The following ANKS6 variants were observed in gnomAD, a reference collection of about 807,000 sequenced individuals.
ANKS6 encodes the protein ankyrin repeat and SAM domain-containing protein 6.
A neutral mutation model predicts 77.9 loss-of-function variants in ANKS6; 47 were observed. That is an observed-to-expected ratio of 0.60 (90% CI 0.48 to 0.77). The LOEUF is 0.77. Ranked by LOEUF, ANKS6 falls within the 30% of genes least tolerant of loss-of-function variation. The pLI is 0.00. For missense variants in ANKS6, 1,150 were observed against 1,159.1 expected (o/e 0.99, Z 0.11); for synonymous variants, 488 against 501.7 (o/e 0.97, Z 0.37).
At chr9:98,793,137 C>T (rs901882483) in intron 1 of ANKS6, among the ~76,000 whole-genome samples, 4 of 152,220 alleles carry the variant, frequency 2.6e-5, no homozygotes, top group East Asian at 1.9e-4. Context: ...AGCTCTGCCC[C>T]ACTGGCAGGC....
chr9:98,784,653 G>T (rs1232319096), intron 3 of ANKS6, among the ~76,000 whole-genome samples, 179 bp downstream of exon 3: 1 of 152,182 alleles, frequency 6.6e-6, no homozygotes, highest in Admixed American at 6.5e-5. Context: ...TGGAGTCTAT[G>T]TGTAGAGCTC....
chr9:98,736,968 T>C (rs1831535619), intron 14 of ANKS6, among the ~76,000 whole-genome samples: 1 of 152,176 alleles, frequency 6.6e-6, no homozygotes, highest in African/African-American at 2.4e-5. Context: ...TGTGCATCTT[T>C]CCAGTCCTTA....
In ANKS6 at chr9:98,734,781, G is replaced by T; in HGVS notation, c.*1738C>A. The T allele has an allele frequency of 1.0e-6, 1 of 984,736 alleles. No homozygotes were observed. Among genetic ancestry groups the T allele is most frequent in the Non-Finnish European group, 1.2e-6 (1 of 829,316 alleles). 61.0% of individuals were successfully genotyped at this position (984,736 alleles called of 1,614,324 possible). A position where few individuals can be genotyped will look rare whatever the true frequency, so the allele number is the denominator to read the frequency against. Reference sequence around the variant, plus strand: ...GGTAAAGCTGCCAGCACATAGTAGGGGATGAATGAGTGTGTCTCCTTAAAA... The same window carrying T: ...GGTAAAGCTGCCAGCACATAGTAGGTGATGAATGAGTGTGTCTCCTTAAAA... On this transcript the variant is annotated 3_prime_UTR_variant, in exon 15 of 15. Coordinates refer to ENST00000353234, the MANE Select transcript of ANKS6 (RefSeq NM_173551.5).
chr9:98,764,127 C>T (rs1403304407), intron 11 of ANKS6, among the ~76,000 whole-genome samples: 1 of 152,080 alleles, frequency 6.6e-6, no homozygotes, highest in East Asian at 1.9e-4. Flanking sequence ...ATTTTATGAG[C>T]CAACGTGACA....
Position 98,732,606 on chromosome 9 carries a change from TA to T in ANKS6, c.*3912del, listed in dbSNP as rs1239784407. The T allele has an allele frequency of 3.9e-6, 6 of 1,549,998 alleles. No individual in the cohort carries two copies. The Admixed American group carries it at 1.2e-4, about 30-fold the overall frequency. On this transcript the variant is annotated 3_prime_UTR_variant, in exon 15 of 15. Coordinates refer to ENST00000353234, the MANE Select transcript of ANKS6 (RefSeq NM_173551.5). ...AAGAGAGATGAGAGATGAAAGGATT[TA>T]AAATGGGCAACCATCTTTGAGGTTT...
chr9:98,796,246 C>T lies in ANKS6; in HGVS notation c.246G>A (p.Leu82=). ...DCSDEAGNTA[L]QFAAAGGHEP... is the part of the protein sequence containing the mutation. Reference sequence around the variant, plus strand: ...CGTGGCCCCCGGCCGCGGCGAACTGCAGTGCGGTGTTGCCCGCCTCGTCCG... The same window carrying T: ...CGTGGCCCCCGGCCGCGGCGAACTGTAGTGCGGTGTTGCCCGCCTCGTCCG... The change falls in exon 1 of 15, where the codon CTG becomes CTA. Residue 82 remains leucine, a synonymous_variant. Coordinates refer to ENST00000353234, the MANE Select transcript of ANKS6 (RefSeq NM_173551.5). 1 of 1,402,114 alleles carries T rather than the reference C, an allele frequency of 7.1e-7. No homozygotes were observed. The highest frequency in any genetic ancestry group is 3.1e-5 in the East Asian group (1 of 32,438). The allele number at this position is 1,402,114 out of a possible 1,614,324, so 86.9% of individuals were successfully genotyped here.
In ANKS6 at chr9:98,778,434, G is replaced by A; in HGVS notation, c.1369-10C>T. On this transcript the variant is annotated splice_polypyrimidine_tract_variant and intron_variant, in intron 6 of 14. Coordinates refer to ENST00000353234, the MANE Select transcript of ANKS6 (RefSeq NM_173551.5). ...TTCGGTTCCACCAGGACTGCCAAAG[G>A]AACGCAGAGCAGAAGTCATGCTCCA... 6.2e-7 allele frequency: 1 copy of A among 1,613,314 alleles called. No individual in the cohort carries two copies. Among genetic ancestry groups the A allele is most frequent in the Non-Finnish European group, 8.5e-7 (1 of 1,179,758 alleles).
At chr9:98,789,035 C>CTTT (rs111230371) in intron 2 of ANKS6, among the ~76,000 whole-genome samples, 27 of 137,288 alleles carry the variant, frequency 2.0e-4, no homozygotes, top group African/African-American at 7.2e-4. Context: ...TGGTGTATTT[C>CTTT]TTTTTTTTTT....
chr9:98,748,261 C>T (rs919612930), intron 13 of ANKS6, among the ~76,000 whole-genome samples: 1 of 152,202 alleles, frequency 6.6e-6, no homozygotes, highest in Admixed American at 6.5e-5. Flanking sequence ...TCCGTCAACC[C>T]TGGGGGATGC....
At chr9:98,777,679 GGT>G (rs369131992) in intron 7 of ANKS6, among the ~76,000 whole-genome samples, 170 of 152,312 alleles carry the variant, frequency 1.1e-3, no homozygotes, top group Middle Eastern at 0.01. Flanking sequence ...GTCAGACAGT[GGT>G]GCCCCCAGCT....
rs1292192403 is a variant in ANKS6 at position 98,736,136 on chromosome 9, T to C, written c.*383A>G. The C allele has an allele frequency of 1.7e-6, 2 of 1,150,324 alleles. No homozygotes were observed. The highest frequency in any genetic ancestry group is 4.2e-5 in the Admixed American group (1 of 23,822). The allele number at this position is 1,150,324 out of a possible 1,614,324, so 71.3% of individuals were successfully genotyped here. On this transcript the variant is annotated 3_prime_UTR_variant, in exon 15 of 15. Coordinates refer to ENST00000353234, the MANE Select transcript of ANKS6 (RefSeq NM_173551.5). ...CGTGAGCAGGAGTGATGTGTGTCAGTTAAGAGCAAGGCAGGTAAGAAGCAG... is the reference window on the plus strand; with the variant it reads ...CGTGAGCAGGAGTGATGTGTGTCAGCTAAGAGCAAGGCAGGTAAGAAGCAG...
chr9:98,736,371 A>G lies in ANKS6; in HGVS notation c.*148T>C. 2 of 1,430,136 alleles carry G rather than the reference A, an allele frequency of 1.4e-6. No homozygotes were observed. Among genetic ancestry groups the G allele is most frequent in the Non-Finnish European group, 1.8e-6 (2 of 1,095,240 alleles). 88.6% of individuals were successfully genotyped at this position (1,430,136 alleles called of 1,614,324 possible). On this transcript the variant is annotated 3_prime_UTR_variant, in exon 15 of 15. Coordinates refer to ENST00000353234, the MANE Select transcript of ANKS6 (RefSeq NM_173551.5). ...GTTGCAGCAAGAAGTACTACCAATGAATGCCGTCGACGTGAAGTGGGCATC... is the reference window on the plus strand; with the variant it reads ...GTTGCAGCAAGAAGTACTACCAATGGATGCCGTCGACGTGAAGTGGGCATC...
At chr9:98,789,825 A>T in intron 2 of ANKS6, 1 of 395,886 alleles carries the variant, frequency 2.5e-6, no homozygotes, top group Non-Finnish European at 4.4e-6. Context: ...CCCCAGAACC[A>T]CCTGCATCAG....
chr9:98,783,656 G>A, intron 4 of ANKS6: 1 of 282,932 alleles, frequency 3.5e-6, no homozygotes, highest in Non-Finnish European at 6.5e-6. Flanking sequence ...ATCAGTCACT[G>A]TGTTCAACTG....
chr9:98,773,750 C>T, intron 9 of ANKS6, 127 bp downstream of exon 9: 1 of 719,502 alleles, frequency 1.4e-6, no homozygotes, highest in Non-Finnish European at 2.1e-6. Flanking sequence ...AGGATATCAT[C>T]CATTCAAAAG....
At chr9:98,752,651 C>A (rs561031949) in intron 12 of ANKS6, among the ~76,000 whole-genome samples, 1 of 152,268 alleles carries the variant, frequency 6.6e-6, no homozygotes, top group South Asian at 2.1e-4. Context: ...CTATTACTGT[C>A]CCCATTTACA....
chr9:98,793,329 G>A (rs1050851648), intron 1 of ANKS6, among the ~76,000 whole-genome samples: 2 of 152,166 alleles, frequency 1.3e-5, no homozygotes, highest in Non-Finnish European at 1.5e-5. Flanking sequence ...AATCTGACTC[G>A]CCACTTGGTA....
chr9:98,756,419 C>T lies in ANKS6; in HGVS notation c.2326+1G>A. 2 of 1,612,518 alleles carry T rather than the reference C, an allele frequency of 1.2e-6. No individual in the cohort carries two copies. Among genetic ancestry groups the T allele is most frequent in the Non-Finnish European group, 1.7e-6 (2 of 1,179,238 alleles). ...GGGTTTCAGGCCCTCAGGGGACTCACCCTCATCTGTGATGGTGCCACTGCT... is the reference window on the plus strand; with the variant it reads ...GGGTTTCAGGCCCTCAGGGGACTCATCCTCATCTGTGATGGTGCCACTGCT... On this transcript the variant is annotated splice_donor_variant, in intron 12 of 14. Transcript: ENST00000353234. LOFTEE classifies it high-confidence loss of function.
Position 98,756,635 on chromosome 9 carries a change from C to T in ANKS6, c.2143-32G>A, listed in dbSNP as rs558159827. ...AACAGAGTAAGACAAATACATAAGCCATCACCTGTAGGGTAGAAATGAGGA... is the reference window on the plus strand; with the variant it reads ...AACAGAGTAAGACAAATACATAAGCTATCACCTGTAGGGTAGAAATGAGGA... On this transcript the variant is annotated intron_variant, in intron 11 of 14. Coordinates refer to ENST00000353234, the MANE Select transcript of ANKS6 (RefSeq NM_173551.5). The T allele has an allele frequency of 3.0e-5, 44 of 1,461,128 alleles. 1 individual carries two copies. In the East Asian group the frequency reaches 1.1e-3, roughly 37 times the overall value. The allele number at this position is 1,461,128 out of a possible 1,614,324, so 90.5% of individuals were successfully genotyped here.
Sources: gnomAD v4.1 joint callset for allele counts (sites outside exome capture counted in the v4.1 genomes callset) on GRCh38, gnomAD v4.1.1 for gene constraint, MANE v1.5 for transcripts, NCBI Gene and HGNC (gene_info 2026-07-23, HGNC 2026-07-21) for gene names.